The following AOAH variants were observed in gnomAD, a reference collection of about 807,000 sequenced individuals.
AOAH encodes the protein acyloxyacyl hydrolase.
AOAH carries 64 observed loss-of-function variants against 92.2 expected under a neutral mutation model. The observed-to-expected ratio is 0.69, with a 90% CI of 0.57 to 0.86. The LOEUF (loss-of-function observed/expected upper bound fraction) is 0.86. AOAH is among the 40% of genes least tolerant of loss of function. The pLI is 0.00. For synonymous variants in AOAH, 263 were observed against 254.5 expected, an observed-to-expected ratio of 1.03 and a Z score of -0.32; for missense variants, 656 against 694.6, an observed-to-expected ratio of 0.94 and a Z score of 0.62.
intron 1 of AOAH, among the ~76,000 whole-genome samples, chr7:36,714,977 G>C (rs985509432): frequency 5.3e-5 from 8 of 152,124 alleles, no homozygotes; most frequent in African/African-American, 1.9e-4. Context: ...GTTCTGGCCA[G>C]CGCAATCAGG....
chr7:36,533,967 C>G (rs1314588286), intron 16 of AOAH, among the ~76,000 whole-genome samples: 1 of 152,176 alleles, frequency 6.6e-6, no homozygotes, highest in Non-Finnish European at 1.5e-5. Flanking sequence ...CTTAGGTAGC[C>G]TGGCTGGGGC....
At chr7:36,682,544 A>G (rs1796719546) in intron 2 of AOAH, among the ~76,000 whole-genome samples, 1 of 152,188 alleles carries the variant, frequency 6.6e-6, no homozygotes. Context: ...AAAGGATTAA[A>G]ACATAAGATA....
intron 10 of AOAH, among the ~76,000 whole-genome samples, chr7:36,617,889 G>C (rs549402789): frequency 8.4e-4 from 128 of 152,354 alleles, no homozygotes; most frequent in African/African-American, 2.9e-3. Context: ...AGTGGACACA[G>C]AGACTCATCC....
At chr7:36,517,244 CTT>C (rs1491511765) in intron 20 of AOAH, among the ~76,000 whole-genome samples, 2 of 118,984 alleles carry the variant, frequency 1.7e-5, no homozygotes, top group East Asian at 2.5e-4. Context: ...CTCTCTCTCT[CTT>C]TCTTTCTGTG....
intron 11 of AOAH, among the ~76,000 whole-genome samples, chr7:36,604,992 T>G (rs1790898531): frequency 6.6e-6 from 1 of 152,226 alleles, no homozygotes; most frequent in Non-Finnish European, 1.5e-5. Context: ...CTCTGGAATC[T>G]TTGGACTTTG....
chr7:36,530,123 A>G (rs886480089), intron 19 of AOAH, among the ~76,000 whole-genome samples: 1 of 152,236 alleles, frequency 6.6e-6, no homozygotes, highest in Non-Finnish European at 1.5e-5. Context: ...TAGTGAGTGC[A>G]TTAACCTGTA....
intron 15 of AOAH, among the ~76,000 whole-genome samples, chr7:36,543,288 A>G (rs1583776293): frequency 6.6e-6 from 1 of 152,366 alleles, no homozygotes; most frequent in East Asian, 1.9e-4. Flanking sequence ...CCATATGCAC[A>G]GAAGCAGCAC....
At chr7:36,699,938 T>G (rs1562709907) in intron 1 of AOAH, among the ~76,000 whole-genome samples, 1 of 152,078 alleles carries the variant, frequency 6.6e-6, no homozygotes, top group Non-Finnish European at 1.5e-5. Context: ...ATGTCTTAGA[T>G]TTAAGTTTTT....
chr7:36,543,613 T>C (rs1420266893), intron 15 of AOAH, among the ~76,000 whole-genome samples: 1 of 149,972 alleles, frequency 6.7e-6, no homozygotes, highest in Non-Finnish European at 1.5e-5. Flanking sequence ...ACAGCCCTGA[T>C]GCTAAACGAA....
intron 3 of AOAH, among the ~76,000 whole-genome samples, chr7:36,672,013 A>G (rs1029168317): frequency 1.6e-4 from 24 of 152,248 alleles, no homozygotes; most frequent in Non-Finnish European, 3.1e-4. Flanking sequence ...AATGTAGATT[A>G]TGAAATTGCA....
chr7:36,613,636 C>T (rs1305433966), intron 11 of AOAH, among the ~76,000 whole-genome samples: 4 of 152,200 alleles, frequency 2.6e-5, no homozygotes, highest in Admixed American at 6.5e-5. Context: ...ATTTCCCCAG[C>T]TGCCTGACCA....
chr7:36,568,916 T>A (rs921788023), intron 13 of AOAH, among the ~76,000 whole-genome samples: 3 of 151,458 alleles, frequency 2.0e-5, no homozygotes, highest in African/African-American at 7.3e-5. Context: ...TTTTTCAGAG[T>A]GTGGGTTGGG....
chr7:36,703,767 C>T (rs541362502), intron 1 of AOAH, among the ~76,000 whole-genome samples: 8 of 152,256 alleles, frequency 5.3e-5, no homozygotes, highest in South Asian at 2.1e-4. Context: ...CTGCAATAAA[C>T]GTATGTGTGC....
At chr7:36,557,878 A>G (rs1424246614) in intron 13 of AOAH, among the ~76,000 whole-genome samples, 1 of 151,656 alleles carries the variant, frequency 6.6e-6, no homozygotes, top group Non-Finnish European at 1.5e-5. Context: ...TTCTAGTTAT[A>G]CATTCGTCTA....
At chr7:36,716,862 T>A (rs1050111197) in intron 1 of AOAH, among the ~76,000 whole-genome samples, 6 of 151,924 alleles carry the variant, frequency 3.9e-5, no homozygotes, top group Non-Finnish European at 7.4e-5. Context: ...TTAGGAGATA[T>A]ACCTAATGTT....
intron 3 of AOAH, among the ~76,000 whole-genome samples, chr7:36,666,359 A>G (rs1484258035): frequency 6.6e-6 from 1 of 152,028 alleles, no homozygotes; most frequent in Non-Finnish European, 1.5e-5. Context: ...TTTCTTGATT[A>G]TCTTTTTAAT....
intron 4 of AOAH, among the ~76,000 whole-genome samples, chr7:36,639,929 A>T (rs11771581): frequency 0.25 from 37,928 of 152,002 alleles, 5,270 homozygotes; most frequent in African/African-American, 0.38. Flanking sequence ...ATCTCATTTT[A>T]ACCAAGCTCG....
chr7:36,656,518 G>A (rs1321424248), intron 4 of AOAH, among the ~76,000 whole-genome samples: 1 of 151,936 alleles, frequency 6.6e-6, no homozygotes, highest in Non-Finnish European at 1.5e-5. Context: ...CCAAGTTTAG[G>A]CAAGCCTTTA....
At chr7:36,667,678 T>C (rs1036576993) in intron 3 of AOAH, among the ~76,000 whole-genome samples, 1 of 152,218 alleles carries the variant, frequency 6.6e-6, no homozygotes, top group Non-Finnish European at 1.5e-5. Context: ...CAATAATAGA[T>C]TCATCTATTT....
Sources: gnomAD v4.1 joint callset for allele counts (sites outside exome capture counted in the v4.1 genomes callset) on GRCh38, gnomAD v4.1.1 for gene constraint, MANE v1.5 for transcripts, NCBI Gene and HGNC (gene_info 2026-07-23, HGNC 2026-07-21) for gene names.